The following ECT2 variants were observed in gnomAD, a reference collection of about 807,000 sequenced individuals.
ECT2 encodes epithelial cell transforming 2.
A neutral mutation model predicts 116.9 loss-of-function variants in ECT2; 61 were observed. That is an observed-to-expected ratio of 0.52 (90% CI 0.42 to 0.65). The LOEUF (loss-of-function observed/expected upper bound fraction) is 0.65. ECT2 is among the 30% of genes least tolerant of loss of function. The pLI is 0.00. For missense variants in ECT2, 937 were observed against 1,078.7 expected (o/e 0.87, Z 1.84); for synonymous variants, 358 against 346.4 (o/e 1.03, Z -0.37).
intron 13 of ECT2, among the ~76,000 whole-genome samples, chr3:172,773,591 T>C (rs1300275966): frequency 6.6e-6 from 1 of 152,200 alleles, no homozygotes; most frequent in African/African-American, 2.4e-5. Flanking sequence ...CTTAGTAACT[T>C]GAATACAAAA....
intron 4 of ECT2, among the ~76,000 whole-genome samples, chr3:172,755,782 A>T (rs1276882868): frequency 6.6e-6 from 1 of 152,220 alleles, no homozygotes; most frequent in African/African-American, 2.4e-5. Flanking sequence ...TATTTCCAAA[A>T]TTATAAATCA....
rs766326198 is a variant in ECT2 at position 172,760,148 on chromosome 3, C to T, written c.577-8C>T. 1 of 1,572,960 alleles carries T rather than the reference C, an allele frequency of 6.4e-7. No individual in the cohort carries two copies. On this transcript the variant is annotated splice_region_variant and splice_polypyrimidine_tract_variant and intron_variant, in intron 6 of 24. Coordinates refer to ENST00000392692, the MANE Select transcript of ECT2 (RefSeq NM_001258315.2). ...ATAAAGTCAGTGTTGCTTAATTTTTCTTTTGAGGTCAGGTTGGTGACATTG... is the reference window on the plus strand; with the variant it reads ...ATAAAGTCAGTGTTGCTTAATTTTTTTTTTGAGGTCAGGTTGGTGACATTG...
intron 12 of ECT2, 100 bp from the exon 13 acceptor site, chr3:172,768,907 T>G: frequency 1.5e-6 from 2 of 1,327,628 alleles, no homozygotes; most frequent in East Asian, 4.9e-5. Flanking sequence ...GGTACATTTA[T>G]AAGAGTAGGT....
intron 16 of ECT2, among the ~76,000 whole-genome samples, 163 bp from the exon 17 acceptor site, chr3:172,784,544 C>T (rs1157039509): frequency 1.3e-5 from 2 of 152,068 alleles, no homozygotes. Context: ...ACATTTCAGG[C>T]CCTGAAAAAT....
the ECT2 span, among the ~76,000 whole-genome samples, chr3:172,828,278 A>G: frequency 2.0e-5 from 3 of 152,042 alleles, no homozygotes; most frequent in African/African-American, 2.4e-5. Context: ...GTTGAAAAAT[A>G]CCAGTTTTCC....
intron 18 of ECT2, among the ~76,000 whole-genome samples, chr3:172,790,234 C>T (rs923410052): frequency 6.6e-6 from 1 of 152,108 alleles, no homozygotes; most frequent in Admixed American, 6.5e-5. Context: ...TTTTCTTTTT[C>T]TTTCTTTTTT....
intron 12 of ECT2, among the ~76,000 whole-genome samples, chr3:172,768,308 A>G (rs1301811006): frequency 6.6e-6 from 1 of 152,114 alleles, no homozygotes; most frequent in Non-Finnish European, 1.5e-5. Context: ...AAAGATTCCT[A>G]TACCTTTTAC....
At position 172,757,041 on chromosome 3, in the gene ECT2, C is replaced by T. The variant is rs1717122533; in HGVS notation, c.362C>T (p.Ser121Phe). ...ESVEEFEGLD[S>F]PEFENVFVVT... ...GTGGAAGAATTTGAAGGTTTGGATT[C>T]TCCGGAATTTGAAAATGTATTTGTA... Residue 121 changes from serine to phenylalanine, a missense_variant, in exon 5 of 25, where the codon TCT becomes TTT. Coordinates refer to ENST00000392692, the MANE Select transcript of ECT2 (RefSeq NM_001258315.2). 1.9e-6 allele frequency: 3 copies of T among 1,611,670 alleles called. No homozygotes were observed. Among genetic ancestry groups the T allele is most frequent in the African/African-American group, 1.3e-5 (1 of 74,816 alleles).
chr3:172,755,921 T>C (rs1388475010), intron 4 of ECT2, among the ~76,000 whole-genome samples: 1 of 152,212 alleles, frequency 6.6e-6, no homozygotes, highest in African/African-American at 2.4e-5. Context: ...AGTAGAAATT[T>C]CTTTTCTCAC....
intron 24 of ECT2, chr3:172,818,928 TGACTG>T (rs942008673): frequency 9.8e-5 from 82 of 833,172 alleles, no homozygotes; most frequent in Admixed American, 9.6e-5. Flanking sequence ...CACAATGTTA[TGACTG>T]CTTTGAATTA....
intron 20 of ECT2, among the ~76,000 whole-genome samples, chr3:172,803,604 T>C (rs1300719865): frequency 6.6e-6 from 1 of 152,200 alleles, no homozygotes; most frequent in East Asian, 1.9e-4. Flanking sequence ...TAGTGAGGGA[T>C]AAAAAGAAGT....
chr3:172,778,154 C>G (rs1722074197), intron 14 of ECT2, among the ~76,000 whole-genome samples: 1 of 152,180 alleles, frequency 6.6e-6, no homozygotes, highest in African/African-American at 2.4e-5. Flanking sequence ...AGTAGCTTAG[C>G]TTTCTTAAGC....
intron 18 of ECT2, among the ~76,000 whole-genome samples, chr3:172,796,827 C>T (rs1725734962): frequency 6.6e-6 from 1 of 151,906 alleles, no homozygotes; most frequent in Non-Finnish European, 1.5e-5. Flanking sequence ...CCACCACGCC[C>T]TGCTAATTTT....
At chr3:172,791,421 G>C (rs1181591801) in intron 18 of ECT2, among the ~76,000 whole-genome samples, 3 of 152,192 alleles carry the variant, frequency 2.0e-5, no homozygotes, top group Admixed American at 1.3e-4. Context: ...CTACTGGAAG[G>C]CTGTTTTGTC....
intron 24 of ECT2, chr3:172,818,580 T>C (rs1162169275): frequency 7.8e-7 from 1 of 1,284,368 alleles, no homozygotes; most frequent in African/African-American, 1.5e-5. Flanking sequence ...GCAATGTAAT[T>C]GGATTTACTA....
chr3:172,822,700 A>G (rs77313958), downstream of ECT2, among the ~76,000 whole-genome samples: 5,198 of 152,162 alleles, frequency 0.034, 166 homozygotes, highest in East Asian at 0.16. Flanking sequence ...ACTGAATAAT[A>G]GACATGACTT....
At chr3:172,797,982 T>C (rs1438352229) in intron 18 of ECT2, among the ~76,000 whole-genome samples, 1 of 152,216 alleles carries the variant, frequency 6.6e-6, no homozygotes, top group Non-Finnish European at 1.5e-5. Context: ...CTTGAGACTT[T>C]CAACATCTTT....
intron 22 of ECT2, among the ~76,000 whole-genome samples, chr3:172,811,690 G>T (rs1308219602): frequency 6.6e-6 from 1 of 152,090 alleles, no homozygotes; most frequent in Non-Finnish European, 1.5e-5. Flanking sequence ...GAGCATTTCA[G>T]CAAAATTAAA....
At chr3:172,755,272 T>G in intron 2 of ECT2, 23 bp from the exon 3 acceptor site, 4 of 1,566,338 alleles carry the variant, frequency 2.6e-6, no homozygotes, top group Non-Finnish European at 3.5e-6. Context: ...TGATAAACAT[T>G]GAAACATTTT....
Sources: gnomAD v4.1 joint callset for allele counts (sites outside exome capture counted in the v4.1 genomes callset) on GRCh38, gnomAD v4.1.1 for gene constraint, MANE v1.5 for transcripts, NCBI Gene and HGNC (gene_info 2026-07-23, HGNC 2026-07-21) for gene names.